ERICH1: variants seen among roughly 807,000 people sequenced by gnomAD.
ERICH1 encodes the protein glutamate-rich protein 1.
A neutral mutation model predicts 39.6 loss-of-function variants in ERICH1; 56 were observed. That is an observed-to-expected ratio of 1.41 (90% CI 1.14 to 1.77). The LOEUF is 1.77. Among genes scored for constraint, ERICH1 ranks in the 40% most tolerant of loss-of-function variants. ERICH1 has a pLI of 0.00. For synonymous variants in ERICH1, 313 were observed against 223.6 expected (o/e 1.40, Z -3.57); for missense variants, 826 against 575.4 (o/e 1.44, Z -4.45).
intron 1 of ERICH1, chr8:725,522 T>C (rs547532333): frequency 1.0e-3 from 155 of 152,646 alleles, no homozygotes; most frequent in Admixed American, 2.2e-3. Flanking sequence ...GATGGGCACA[T>C]TGGGCATCCA....
intron 3 of ERICH1, among the ~76,000 whole-genome samples, chr8:680,700 A>C (rs1293817552): frequency 2.6e-5 from 4 of 152,216 alleles, no homozygotes; most frequent in Non-Finnish European, 5.9e-5. Context: ...CTGCCACCCC[A>C]TCAACAGGCA....
chr8:632,821 G>C (rs1334633231), intron 3 of ERICH1, among the ~76,000 whole-genome samples: 3 of 152,202 alleles, frequency 2.0e-5, no homozygotes, highest in African/African-American at 7.2e-5. Flanking sequence ...AATGTGTGGA[G>C]TCATTTCTGG....
intron 3 of ERICH1, among the ~76,000 whole-genome samples, 166 bp downstream of exon 3, chr8:692,312 G>A (rs973994063): frequency 6.6e-5 from 10 of 152,022 alleles, no homozygotes; most frequent in Non-Finnish European, 8.8e-5. Flanking sequence ...CACTTTTCAC[G>A]GCTATAAAAT....
intron 3 of ERICH1, among the ~76,000 whole-genome samples, chr8:686,141 C>T (rs1198183654): frequency 3.3e-5 from 5 of 152,096 alleles, no homozygotes; most frequent in Non-Finnish European, 4.4e-5. Flanking sequence ...GATGACAGAG[C>T]GAGACTCCAT....
intron 3 of ERICH1, among the ~76,000 whole-genome samples, chr8:680,963 ACATT>A (rs1291227125): frequency 6.6e-6 from 1 of 152,228 alleles, no homozygotes; most frequent in African/African-American, 2.4e-5. Flanking sequence ...GGTGACGGAC[ACATT>A]CATTATTTCA....
chr8:697,161 C>T (rs1021689375), intron 2 of ERICH1, among the ~76,000 whole-genome samples: 3 of 152,156 alleles, frequency 2.0e-5, no homozygotes, highest in African/African-American at 7.2e-5. Flanking sequence ...GAAATGAATC[C>T]AGCAGCGAAC....
At chr8:701,416 T>A (rs11786287) in intron 2 of ERICH1, among the ~76,000 whole-genome samples, 19 of 150,952 alleles carry the variant, frequency 1.3e-4, no homozygotes, top group Non-Finnish European at 2.1e-4. Flanking sequence ...GGAGCACGCC[T>A]TACCCACGGG....
chr8:636,280 T>C (rs1464653241), intron 3 of ERICH1, among the ~76,000 whole-genome samples: 1 of 152,288 alleles, frequency 6.6e-6, no homozygotes, highest in East Asian at 1.9e-4. Flanking sequence ...CGTGGCCACG[T>C]GGGGTTGCAC....
At chr8:726,246 G>C (rs2132464431) in intron 1 of ERICH1, among the ~76,000 whole-genome samples, 1 of 152,318 alleles carries the variant, frequency 6.6e-6, no homozygotes, top group South Asian at 2.1e-4. Context: ...GCAAGTTGCA[G>C]GGTACAGCTG....
At chr8:651,433 G>C (rs935736377) in intron 3 of ERICH1, among the ~76,000 whole-genome samples, 28 of 152,208 alleles carry the variant, frequency 1.8e-4, no homozygotes, top group African/African-American at 6.8e-4. Flanking sequence ...GAAAGTTTCC[G>C]GTAAGCCTGG....
intron 2 of ERICH1, among the ~76,000 whole-genome samples, chr8:701,498 C>G (rs1048762876): frequency 2.0e-5 from 3 of 152,268 alleles, no homozygotes; most frequent in African/African-American, 4.8e-5. Context: ...GGAGGCTGAG[C>G]CACAGACGCA....
chr8:635,942 T>A (rs1315884561), intron 3 of ERICH1, among the ~76,000 whole-genome samples: 3 of 152,240 alleles, frequency 2.0e-5, no homozygotes, highest in Non-Finnish European at 4.4e-5. Context: ...CGGTGATTCC[T>A]CATCCTGCGA....
At position 673,717 on chromosome 8, in the gene ERICH1, TCCACA is replaced by T; in HGVS notation, c.630_634del (p.Val211HisfsTer15). 1 of 1,614,182 alleles carries T rather than the reference TCCACA, an allele frequency of 6.2e-7. No homozygotes were observed. Among genetic ancestry groups the T allele is most frequent in the South Asian group, 1.1e-5 (1 of 91,090 alleles). ...CAGTGTCGGGTCTTCCTCGCTGGTG[TCCACA>T]CCATCCTCCTCACAAGCCTCTCCCA... On this transcript the variant is annotated frameshift_variant, in exon 4 of 6. Transcript: ENST00000262109. LOFTEE classifies it high-confidence loss of function.
chr8:701,239 G>A (rs1031934959), intron 2 of ERICH1, among the ~76,000 whole-genome samples: 5 of 152,020 alleles, frequency 3.3e-5, no homozygotes, highest in Admixed American at 6.6e-5. Flanking sequence ...CCGTACCCAC[G>A]GGTCTACCCT....
chr8:673,222 A>G (rs919905702), intron 4 of ERICH1, 67 bp downstream of exon 4: 13 of 1,489,102 alleles, frequency 8.7e-6, no homozygotes, highest in African/African-American at 2.8e-5. Flanking sequence ...TAAGCATTAT[A>G]TTTGTTTCTT....
chr8:657,755 A>G (rs1228811923), intron 3 of ERICH1, among the ~76,000 whole-genome samples: 2 of 152,008 alleles, frequency 1.3e-5, no homozygotes, highest in African/African-American at 4.8e-5. Flanking sequence ...GCCATGTTAA[A>G]TTAAAGGACT....
chr8:706,886 G>A (rs1483387660), intron 2 of ERICH1, among the ~76,000 whole-genome samples: 1 of 152,178 alleles, frequency 6.6e-6, no homozygotes, highest in East Asian at 1.9e-4. Flanking sequence ...CTAGGGACTG[G>A]ACAATGTAAT....
In ERICH1 at chr8:628,333, T is replaced by C. The variant is rs532669697; in HGVS notation, c.977-13049A>G. ...TCCCAACTGTCTGCTGTGGAAATACTACTTTACTGGGAGTTTCTCTTGAAG... is the reference window on the plus strand; with the variant it reads ...TCCCAACTGTCTGCTGTGGAAATACCACTTTACTGGGAGTTTCTCTTGAAG... On this transcript the variant is annotated intron_variant, in intron 3 of 3. Transcript: ENST00000522706. 2.0e-5 allele frequency among the ~76,000 whole-genome samples: 3 copies of C among 152,350 alleles called. No individual in the cohort carries two copies. In the South Asian group the frequency reaches 6.2e-4, roughly 32 times the overall value.
intron 2 of ERICH1, among the ~76,000 whole-genome samples, chr8:715,102 T>C (rs902115079): frequency 6.6e-6 from 1 of 151,924 alleles, no homozygotes. Context: ...CTCAGTGGGA[T>C]GTGTTACATC....
Sources: gnomAD v4.1 joint callset for allele counts (sites outside exome capture counted in the v4.1 genomes callset) on GRCh38, gnomAD v4.1.1 for gene constraint, MANE v1.5 for transcripts, NCBI Gene and HGNC (gene_info 2026-07-23, HGNC 2026-07-21) for gene names.